Variants in RBFOX1 observed in about 807,000 individuals in gnomAD.
RBFOX1 encodes the protein RNA binding protein fox-1 homolog 1.
Under a neutral mutation model 57.7 loss-of-function variants are expected in RBFOX1, and 8 were observed. That is an observed-to-expected ratio of 0.14 (90% CI 0.08 to 0.25). The LOEUF is 0.25. Ranked by LOEUF, RBFOX1 falls within the 10% of genes least tolerant of loss-of-function variation. RBFOX1 has a pLI of 1.00. For synonymous variants in RBFOX1, 326 were observed against 222.4 expected (o/e 1.47, Z -4.15); for missense variants, 611 against 548.5 (o/e 1.11, Z -1.14).
chr16:6,162,890 T>C (rs918318262), intron 1 of RBFOX1, among the ~76,000 whole-genome samples: 2 of 152,080 alleles, frequency 1.3e-5, no homozygotes, highest in Non-Finnish European at 2.9e-5. Flanking sequence ...TGCACCACCA[T>C]GCCAGGCTAA....
At chr16:5,637,238 C>G (rs1200164973) in intron 3 of RBFOX1, among the ~76,000 whole-genome samples, 1 of 152,180 alleles carries the variant, frequency 6.6e-6, no homozygotes, top group East Asian at 1.9e-4. Context: ...CAAGCAGCCT[C>G]CAACAATTAG....
At position 5,662,562 on chromosome 16, in the gene RBFOX1, A is replaced by G. The variant is rs554327807; in HGVS notation, c.318+63601A>G. On this transcript the variant is annotated intron_variant, in intron 3 of 19. Coordinates refer to the RBFOX1 transcript ENST00000641259. ...TGAAAGAGTTCTGGGGACCTGGACC[A>G]CACTTTGAGAATTACTGACCTGGAG... Among the ~76,000 whole-genome samples, 5 of 152,318 alleles carry G rather than the reference A, an allele frequency of 3.3e-5. No homozygotes were observed. The South Asian group carries it at 8.3e-4, about 25-fold the overall frequency.
intron 5 of RBFOX1, among the ~76,000 whole-genome samples, chr16:7,578,672 T>A (rs1367480867): frequency 6.6e-6 from 1 of 152,040 alleles, no homozygotes; most frequent in Non-Finnish European, 1.5e-5. Context: ...GATTCCTCAC[T>A]CATAAATTTG....
At chr16:7,012,659 T>C (rs1162498580) in intron 3 of RBFOX1, among the ~76,000 whole-genome samples, 2 of 152,198 alleles carry the variant, frequency 1.3e-5, no homozygotes, top group Non-Finnish European at 2.9e-5. Flanking sequence ...TTCTTTATTA[T>C]GGGACAATTA....
intron 3 of RBFOX1, among the ~76,000 whole-genome samples, chr16:6,659,339 G>A (rs921252872): frequency 6.6e-6 from 1 of 152,128 alleles, no homozygotes; most frequent in Non-Finnish European, 1.5e-5. Context: ...AAAGGAGTTT[G>A]AGTGGTTTTC....
intron 4 of RBFOX1, among the ~76,000 whole-genome samples, chr16:5,924,091 T>A (rs2058892676): frequency 6.6e-6 from 1 of 152,144 alleles, no homozygotes; most frequent in African/African-American, 2.4e-5. Flanking sequence ...TATAAGCATC[T>A]GGTAGTTCCC....
At chr16:5,633,312 G>T (rs2048579478) in intron 3 of RBFOX1, among the ~76,000 whole-genome samples, 1 of 152,034 alleles carries the variant, frequency 6.6e-6, no homozygotes, top group South Asian at 2.1e-4. Flanking sequence ...CACACTTCTG[G>T]TTTCTTTTCT....
At chr16:5,466,694 ATCTCTTTGCC>A (rs1202819873) in intron 1 of RBFOX1, among the ~76,000 whole-genome samples, 1 of 152,050 alleles carries the variant, frequency 6.6e-6, no homozygotes, top group Non-Finnish European at 1.5e-5. Flanking sequence ...CCTTGACATC[ATCTCTTTGCC>A]TCTCCCATCA....
intron 3 of RBFOX1, among the ~76,000 whole-genome samples, chr16:6,695,731 A>T (rs2060948268): frequency 6.6e-6 from 1 of 152,232 alleles, no homozygotes; most frequent in Admixed American, 6.5e-5. Flanking sequence ...TGGAAAATAT[A>T]GTTCAAGAAT....
At chr16:5,807,325 T>G (rs2055263157) in intron 3 of RBFOX1, among the ~76,000 whole-genome samples, 1 of 152,114 alleles carries the variant, frequency 6.6e-6, no homozygotes, top group South Asian at 2.1e-4. Flanking sequence ...GCACCTCTCT[T>G]AGTATTTCCT....
chr16:5,426,524 C>T lies in RBFOX1; in HGVS notation c.220-40692C>T, dbSNP rs80333884. Among the ~76,000 whole-genome samples, 171 of 152,336 alleles carry T rather than the reference C, an allele frequency of 1.1e-3. 1 individual carries two copies. Among genetic ancestry groups the T allele is most frequent in the African/African-American group, 3.9e-3 (164 of 41,572 alleles). On this transcript the variant is annotated intron_variant, in intron 1 of 2. Coordinates refer to the RBFOX1 transcript ENST00000585867. ...GGTCAGCACAGAGCCACGTGCTTCTCTCCAGGGATGCCACAGACTGTGCAA... is the reference window on the plus strand; with the variant it reads ...GGTCAGCACAGAGCCACGTGCTTCTTTCCAGGGATGCCACAGACTGTGCAA...
At chr16:6,860,106 C>T (rs1027790918) in intron 3 of RBFOX1, among the ~76,000 whole-genome samples, 2 of 152,142 alleles carry the variant, frequency 1.3e-5, no homozygotes, top group Non-Finnish European at 1.5e-5. Flanking sequence ...TTTCCTCTTC[C>T]AATGAATAGC....
At chr16:5,966,481 A>C (rs2059845711) in intron 4 of RBFOX1, among the ~76,000 whole-genome samples, 1 of 152,144 alleles carries the variant, frequency 6.6e-6, no homozygotes, top group Non-Finnish European at 1.5e-5. Flanking sequence ...GTTTTGAGGT[A>C]GAGTCTTACT....
At chr16:6,853,028 C>T (rs1424681654) in intron 3 of RBFOX1, among the ~76,000 whole-genome samples, 2 of 152,164 alleles carry the variant, frequency 1.3e-5, no homozygotes, top group African/African-American at 2.4e-5. Context: ...AACAGCTGGT[C>T]CCAGCTGGCT....
chr16:5,727,361 A>C (rs949891664), intron 3 of RBFOX1, among the ~76,000 whole-genome samples: 1 of 152,226 alleles, frequency 6.6e-6, no homozygotes, highest in African/African-American at 2.4e-5. Flanking sequence ...TGAGCATTTA[A>C]TGACTGACAA....
intron 1 of RBFOX1, among the ~76,000 whole-genome samples, chr16:6,304,850 C>A (rs937621908): frequency 2.4e-5 from 3 of 123,430 alleles, no homozygotes; most frequent in African/African-American, 6.7e-5. Context: ...ATACTCCAGA[C>A]TGGGTGACAC....
chr16:5,388,917 C>T (rs906659512), intron 1 of RBFOX1, among the ~76,000 whole-genome samples: 1 of 149,450 alleles, frequency 6.7e-6, no homozygotes. Context: ...AGGGGCCGGG[C>T]GCGGTGGCTC....
intron 6 of RBFOX1, among the ~76,000 whole-genome samples, chr16:7,583,150 T>C (rs77613546): frequency 1.4e-4 from 1 of 7,130 alleles, no homozygotes; most frequent in Non-Finnish European, 1.2e-3. Flanking sequence ...TAGCTCATCT[T>C]TTTTTTTTTT....
intron 4 of RBFOX1, among the ~76,000 whole-genome samples, chr16:7,218,916 T>C (rs929533232): frequency 2.0e-5 from 3 of 152,188 alleles, no homozygotes; most frequent in African/African-American, 7.2e-5. Flanking sequence ...CACAATCTTC[T>C]CTCTTGGGTT....
Sources: gnomAD v4.1 joint callset for allele counts (sites outside exome capture counted in the v4.1 genomes callset) on GRCh38, gnomAD v4.1.1 for gene constraint, MANE v1.5 for transcripts, NCBI Gene and HGNC (gene_info 2026-07-23, HGNC 2026-07-21) for gene names.